AK4: variants seen among roughly 807,000 people sequenced by gnomAD.
AK4 encodes the protein adenylate kinase 4, mitochondrial.
In AK4, 13 loss-of-function variants were observed where a neutral mutation model predicts 24.6. The ratio of observed to expected loss-of-function variants is 0.53; its 90% CI spans 0.34 to 0.84. The LOEUF (loss-of-function observed/expected upper bound fraction) is 0.84, where lower values mean the gene tolerates loss of function less well. Among genes scored for constraint, AK4 ranks in the 40% least tolerant of loss-of-function variants. The pLI, the probability that AK4 is intolerant of heterozygous loss-of-function variation, is 0.01. For missense variants in AK4, 192 were observed against 288.2 expected (o/e 0.67, Z 2.42); for synonymous variants, 88 against 107.0 (o/e 0.82, Z 1.10).
intron 1 of AK4, among the ~76,000 whole-genome samples, chr1:65,182,480 C>T (rs1384397895): frequency 6.6e-6 from 1 of 151,880 alleles, no homozygotes; most frequent in African/African-American, 2.4e-5. Flanking sequence ...TTATGCTGGC[C>T]CCACCTGCGT....
chr1:65,209,822 T>C lies in AK4; in HGVS notation c.266-8932T>C, dbSNP rs1651918273. The stretch of plus-strand genomic sequence containing the variant: ...TTTTTCTTTTTCTTTTTTTTCTTTT[T>C]TTGAGATAAGAGTCTTGCTCTGTCA... On this transcript the variant is annotated intron_variant, in intron 2 of 4. Transcript: ENST00000327299. 2.0e-5 allele frequency among the ~76,000 whole-genome samples: 3 copies of C among 152,310 alleles called. No homozygotes were observed. In the South Asian group the frequency reaches 6.2e-4, roughly 32 times the overall value.
At chr1:65,160,087 A>C (rs1426202499) in intron 1 of AK4, among the ~76,000 whole-genome samples, 1 of 152,036 alleles carries the variant, frequency 6.6e-6, no homozygotes, top group Non-Finnish European at 1.5e-5. Context: ...CTGGGGCTCC[A>C]TAGCTAGGAT....
chr1:65,167,453 G>A (rs1650367757), intron 1 of AK4, among the ~76,000 whole-genome samples: 2 of 150,596 alleles, frequency 1.3e-5, no homozygotes, highest in Non-Finnish European at 2.9e-5. Context: ...TTCCAAAAGG[G>A]AGATAGATTT....
chr1:65,187,274 G>GGAGGCAGAGCTTGCAGTGAGCC (rs1651131486), intron 1 of AK4, among the ~76,000 whole-genome samples: 1 of 150,944 alleles, frequency 6.6e-6, no homozygotes, highest in South Asian at 2.1e-4. Context: ...TGTGAACCCA[G>GGAGGCAGAGCTTGCAGTGAGCC]GAGGCAGAGC....
At chr1:65,157,206 AGG>A (rs1650013140) in intron 1 of AK4, among the ~76,000 whole-genome samples, 1 of 152,220 alleles carries the variant, frequency 6.6e-6, no homozygotes, top group African/African-American at 2.4e-5. Context: ...ATGTAATTAA[AGG>A]GGAACTCATG....
At chr1:65,190,617 G>C (rs987959047) in intron 1 of AK4, 93 bp from the exon 2 acceptor site, 1 of 1,426,152 alleles carries the variant, frequency 7.0e-7, no homozygotes, top group African/African-American at 1.4e-5. Flanking sequence ...TCCCACATCA[G>C]GAAGGATGGA....
intron 1 of AK4, among the ~76,000 whole-genome samples, chr1:65,152,356 C>CTATA (rs1649809872): frequency 2.2e-3 from 73 of 33,896 alleles, no homozygotes; most frequent in South Asian, 4.2e-3. Context: ...CTCTCTCTCT[C>CTATA]TCTCTATATA....
chr1:65,187,087 C>T (rs1014208318), intron 1 of AK4, among the ~76,000 whole-genome samples: 12 of 151,466 alleles, frequency 7.9e-5, no homozygotes, highest in African/African-American at 2.2e-4. Context: ...AGGCCGGGCG[C>T]GGTGGCTCAC....
intron 1 of AK4, chr1:65,154,570 A>T (rs1245703074): frequency 1.9e-6 from 1 of 519,152 alleles, no homozygotes; most frequent in East Asian, 5.3e-5. Flanking sequence ...GCACTGTCTG[A>T]TCCAGAAATG....
rs886290265 is a variant in AK4, at chr1:65,150,572, TCTTATAGG to T, written c.145+2025_145+2032del. Among the ~76,000 whole-genome samples, 3 of 152,188 alleles carry T rather than the reference TCTTATAGG, an allele frequency of 2.0e-5. No homozygotes were observed. In the East Asian group the frequency reaches 5.8e-4, roughly 29 times the overall value. Reference sequence around the variant, plus strand: ...TTTTCCCTCTCAGAAGGTCTGAGAATCTTATAGGCTTACTGCCTGGTAAATAAAACATT... The same window carrying T: ...TTTTCCCTCTCAGAAGGTCTGAGAATCTTACTGCCTGGTAAATAAAACATT... On this transcript the variant is annotated intron_variant, in intron 1 of 4. Transcript: ENST00000327299.
chr1:65,162,828 C>G (rs1454135104), intron 1 of AK4, among the ~76,000 whole-genome samples: 1 of 152,160 alleles, frequency 6.6e-6, no homozygotes, highest in Non-Finnish European at 1.5e-5. Context: ...TTGCCCCAGC[C>G]CTAGGCAGTT....
rs529084352 is a variant in AK4, at chr1:65,180,607, A to C, written c.146-10103A>C. Among the ~76,000 whole-genome samples, 51 of 152,256 alleles carry C rather than the reference A, an allele frequency of 3.3e-4. No homozygotes were observed. In the Middle Eastern group the frequency reaches 0.014, roughly 41 times the overall value. ...TTTTTAAAGCTTATTTTCTTACTGGAAGAGATTCAGCAGAGTGATATTAGG... is the reference window on the plus strand; with the variant it reads ...TTTTTAAAGCTTATTTTCTTACTGGCAGAGATTCAGCAGAGTGATATTAGG... On this transcript the variant is annotated intron_variant, in intron 1 of 4. Coordinates refer to ENST00000327299, the MANE Select transcript of AK4 (RefSeq NM_013410.4).
intron 1 of AK4, among the ~76,000 whole-genome samples, chr1:65,155,567 A>G (rs886784197): frequency 2.6e-5 from 4 of 152,208 alleles, no homozygotes; most frequent in Non-Finnish European, 5.9e-5. Flanking sequence ...AATAATATGT[A>G]TAAGTTAGCA....
chr1:65,219,016 T>G (rs547984111), intron 3 of AK4, 90 bp downstream of exon 3: 6 of 979,732 alleles, frequency 6.1e-6, no homozygotes, highest in Admixed American at 7.0e-5. Context: ...GAGTAGACCA[T>G]TCAAAAAAGA....
intron 2 of AK4, among the ~76,000 whole-genome samples, chr1:65,205,704 G>A (rs1651791240): frequency 6.6e-6 from 1 of 152,116 alleles, no homozygotes; most frequent in African/African-American, 2.4e-5. Flanking sequence ...TTTCAGGGAA[G>A]TTTTCCTGTG....
intron 2 of AK4, among the ~76,000 whole-genome samples, chr1:65,202,636 A>G (rs1651695761): frequency 6.6e-6 from 1 of 152,142 alleles, no homozygotes; most frequent in African/African-American, 2.4e-5. Flanking sequence ...AATTTATGAA[A>G]CAGGTAATTC....
At chr1:65,158,938 T>C (rs1323688253) in intron 1 of AK4, among the ~76,000 whole-genome samples, 1 of 152,204 alleles carries the variant, frequency 6.6e-6, no homozygotes, top group Non-Finnish European at 1.5e-5. Context: ...AAGGTCTTGT[T>C]TGTACAGCTT....
chr1:65,225,620 A>G (rs371813873), intron 4 of AK4, among the ~76,000 whole-genome samples: 1 of 152,172 alleles, frequency 6.6e-6, no homozygotes, highest in Non-Finnish European at 1.5e-5. Context: ...TGTTACAATC[A>G]CTTTCTGGCC....
chr1:65,198,898 GAAAGCCCTCTCTACAA>G (rs1651571576), intron 2 of AK4, among the ~76,000 whole-genome samples: 1 of 151,838 alleles, frequency 6.6e-6, no homozygotes, highest in Non-Finnish European at 1.5e-5. Flanking sequence ...GCAACACGAT[GAAAGCCCTCTCTACAA>G]AAATATAGAA....
Sources: allele counts gnomAD v4.1 joint callset (sites outside exome capture counted in the v4.1 genomes callset), GRCh38; gene constraint gnomAD v4.1.1; transcripts MANE v1.5; gene names NCBI Gene and HGNC (gene_info 2026-07-23, HGNC 2026-07-21).